Variants in ZZEF1 observed in about 807,000 individuals in gnomAD.
ZZEF1 encodes zinc finger ZZ-type and EF-hand domain containing 1.
ZZEF1 carries 157 observed loss-of-function variants against 342.8 expected under a neutral mutation model. That is an observed-to-expected ratio of 0.46 (90% CI 0.40 to 0.52). The LOEUF is 0.52. Ranked by LOEUF, ZZEF1 falls within the 20% of genes least tolerant of loss-of-function variation. The probability of loss-of-function intolerance (pLI) is 0.00; values close to 1 mark genes in which losing one functional copy is unlikely to be tolerated. For missense variants in ZZEF1, 3,480 were observed against 3,725.6 expected, an observed-to-expected ratio of 0.93 and a Z score of 1.72; for synonymous variants, 1,505 against 1,429.1, an observed-to-expected ratio of 1.05 and a Z score of -1.20.
intron 36 of ZZEF1, among the ~76,000 whole-genome samples, chr17:4,050,469 T>A (rs1490587078): frequency 6.6e-6 from 1 of 152,232 alleles, no homozygotes; most frequent in African/African-American, 2.4e-5. Context: ...GAAGTCTGGA[T>A]TCTTTCAGCA....
chr17:4,048,617 C>CA (rs1440219412), intron 37 of ZZEF1, among the ~76,000 whole-genome samples: 1 of 152,228 alleles, frequency 6.6e-6, no homozygotes, highest in Non-Finnish European at 1.5e-5. Context: ...ATTACTGCGT[C>CA]TACCCGGTAA....
At chr17:4,033,240 C>G (rs2056588653) in intron 40 of ZZEF1, 6 of 442,704 alleles carry the variant, frequency 1.4e-5, no homozygotes, top group Non-Finnish European at 2.4e-5. Flanking sequence ...TAAAAATCAC[C>G]TGTGTGTGTG....
At chr17:4,030,629 G>C (rs993701527) in intron 42 of ZZEF1, among the ~76,000 whole-genome samples, 2 of 152,138 alleles carry the variant, frequency 1.3e-5, no homozygotes, top group Non-Finnish European at 2.9e-5. Flanking sequence ...CAGCCTCCCA[G>C]GTAGCTGGGA....
chr17:4,117,472 C>G (rs2058414398), intron 2 of ZZEF1, among the ~76,000 whole-genome samples: 1 of 151,672 alleles, frequency 6.6e-6, no homozygotes, highest in Non-Finnish European at 1.5e-5. Context: ...ATGGTGAAAC[C>G]CCATCTCTAC....
Position 4,081,467 on chromosome 17 carries a change from A to G in ZZEF1, c.2738T>C (p.Leu913Pro). 1 of 1,614,138 alleles carries G rather than the reference A, an allele frequency of 6.2e-7. No individual in the cohort carries two copies. ...YFSDKDPGGL[L>P]LLPEKNDLAK... is the part of the protein sequence containing the mutation. ...CAGGTCGTTCTTCTCAGGTAAAAGA[A>G]GAAGGCCGCCTGGATCCTTGTCACT... is the stretch of plus-strand genomic sequence containing the variant. The change falls in exon 18 of 55, where the codon CTT becomes CCT. Residue 913 changes from leucine to proline, a missense_variant. Leu to Pro is a moderately conservative substitution (Grantham distance 98). Transcript: ENST00000381638.
Position 4,096,828 on chromosome 17 carries a change from T to C in ZZEF1, c.1673-128A>G. Reference sequence around the variant, plus strand: ...ACTGGTCTGATATCTTCACGAAAATTAGAGAAAAATGTCCTCTTTGGACAG... The same window carrying C: ...ACTGGTCTGATATCTTCACGAAAATCAGAGAAAAATGTCCTCTTTGGACAG... On this transcript the variant is annotated intron_variant, in intron 9 of 54. Coordinates refer to ENST00000381638, the MANE Select transcript of ZZEF1 (RefSeq NM_015113.4). 4.2e-6 allele frequency: 3 copies of C among 722,720 alleles called. No individual in the cohort carries two copies. In the South Asian group the frequency reaches 5.0e-5, roughly 12 times the overall value. 44.8% of individuals were successfully genotyped at this position (722,720 alleles called of 1,614,324 possible).
intron 31 of ZZEF1, 96 bp downstream of exon 31, chr17:4,059,075 G>T: frequency 9.5e-7 from 1 of 1,056,226 alleles, no homozygotes; most frequent in Non-Finnish European, 1.3e-6. Flanking sequence ...TTTATTCTTT[G>T]TGCTTTTTGG....
rs1206446991 is a variant in ZZEF1, at chr17:4,070,939, T to A, written c.3835-15A>T. ...ATGTTCTTAACCTGGAAACAAAAAA[T>A]AAACCCATCACATTTAACACATTCA... On this transcript the variant is annotated splice_polypyrimidine_tract_variant and intron_variant, in intron 25 of 54. Coordinates refer to ENST00000381638, the MANE Select transcript of ZZEF1 (RefSeq NM_015113.4). The A allele has an allele frequency of 6.2e-7, 1 of 1,606,706 alleles. No individual in the cohort carries two copies. The highest frequency in any genetic ancestry group is 8.5e-7 in the Non-Finnish European group (1 of 1,177,150).
intron 44 of ZZEF1, 92 bp downstream of exon 44, chr17:4,022,617 G>A (rs1453097310): frequency 1.3e-6 from 2 of 1,577,266 alleles, no homozygotes; most frequent in Admixed American, 1.7e-5. Context: ...TGTGCACAGG[G>A]CAGAAGCAGC....
At position 4,064,755 on chromosome 17, in the gene ZZEF1, C is replaced by T. The variant is rs768314692; in HGVS notation, c.4324G>A (p.Glu1442Lys). ...PTGISSKESC[E>K]KLETADETSH... ...GTTTCATCAGCAGTCTCCAACTTTT[C>T]GCAGCTTTCTTTTGAACTTATGCCC... Residue 1442 changes from glutamate (E) to lysine (K), a missense_variant, in exon 29 of 55, where the codon GAA (glutamate) becomes AAA (lysine). Physicochemically the swap from Glu to Lys is moderately conservative, Grantham distance 56. Coordinates refer to ENST00000381638, the MANE Select transcript of ZZEF1 (RefSeq NM_015113.4). 3.7e-6 allele frequency: 6 copies of T among 1,613,536 alleles called. No homozygotes were observed. Among genetic ancestry groups the T allele is most frequent in the Middle Eastern group, 1.7e-4 (1 of 6,058 alleles).
rs1461489765 is a variant in ZZEF1, at chr17:4,070,903, G to C, written c.3856C>G (p.Pro1286Ala). Residue 1286 changes from proline (P) to alanine (A), a missense_variant, in exon 26 of 55, where the codon CCC becomes GCC. By Grantham distance (27) the Pro-to-Ala change is conservative (BLOSUM62 -1). Coordinates refer to ENST00000381638, the MANE Select transcript of ZZEF1 (RefSeq NM_015113.4). ...SKEVKNIPDD[P>A]CRHFLLDFAQ... ...AAATCAAGAAGAAAATGGCGGCAGGGGTCGTCAGGAATGTTCTTAACCTGG... is the reference window on the plus strand; with the variant it reads ...AAATCAAGAAGAAAATGGCGGCAGGCGTCGTCAGGAATGTTCTTAACCTGG... 6 of 1,613,868 alleles carry C rather than the reference G, an allele frequency of 3.7e-6. No individual in the cohort carries two copies. Among genetic ancestry groups the C allele is most frequent in the Middle Eastern group, 3.3e-4 (2 of 6,060 alleles).
Position 4,057,984 on chromosome 17 carries a change from G to C in ZZEF1, c.5165+10C>G. On this transcript the variant is annotated intron_variant, in intron 32 of 54. Transcript: ENST00000381638. ...ATTAGGAACTGCAGAGCGCAGGACC[G>C]TGCTCTTACCTGATCACACTGTCAT... 1 of 1,613,320 alleles carries C rather than the reference G, an allele frequency of 6.2e-7. No homozygotes were observed. Among genetic ancestry groups the C allele is most frequent in the Non-Finnish European group, 8.5e-7 (1 of 1,179,496 alleles).
chr17:4,112,345 C>T (rs2058326859), intron 5 of ZZEF1, among the ~76,000 whole-genome samples: 2 of 151,800 alleles, frequency 1.3e-5, no homozygotes, highest in South Asian at 4.2e-4. Flanking sequence ...AGGGTTTCAC[C>T]ATGTTGGCCA....
chr17:4,097,853 T>G (rs2058062917), intron 9 of ZZEF1, among the ~76,000 whole-genome samples: 1 of 143,266 alleles, frequency 7.0e-6, no homozygotes, highest in African/African-American at 2.6e-5. Flanking sequence ...CCCAGCACTT[T>G]GGGAGGCTGA....
chr17:4,109,944 T>G, intron 5 of ZZEF1, 81 bp from the exon 6 acceptor site: 1 of 1,345,846 alleles, frequency 7.4e-7, no homozygotes, highest in African/African-American at 1.5e-5. Context: ...AGCAAAATAG[T>G]AATAGACATT....
chr17:4,045,504 T>A (rs752198991), intron 37 of ZZEF1, among the ~76,000 whole-genome samples: 2 of 152,226 alleles, frequency 1.3e-5, no homozygotes, highest in Non-Finnish European at 2.9e-5. Flanking sequence ...ATCTTTAATA[T>A]GATGAAGATA....
intron 52 of ZZEF1, among the ~76,000 whole-genome samples, chr17:4,012,456 A>G (rs986000780): frequency 6.6e-6 from 1 of 152,218 alleles, no homozygotes; most frequent in African/African-American, 2.4e-5. Flanking sequence ...TCTGGCTAGC[A>G]TTCTGTGTGT....
chr17:4,025,200 T>A (rs1412499343), intron 42 of ZZEF1, 82 bp from the exon 43 acceptor site: 6 of 1,322,952 alleles, frequency 4.5e-6, no homozygotes, highest in African/African-American at 2.9e-5. Flanking sequence ...TATAGTAACA[T>A]GCCTTACTAA....
At position 4,142,569 on chromosome 17, in the gene ZZEF1, G is replaced by A. The variant is rs539179364; in HGVS notation, c.327C>T (p.Ala109=). The change falls in exon 1 of 55, where the codon GCC becomes GCT. Residue 109 remains alanine (A), a synonymous_variant. Coordinates refer to ENST00000381638, the MANE Select transcript of ZZEF1 (RefSeq NM_015113.4). Reference sequence around the variant, plus strand: ...CCTCGAACTGCTCGCTAGAGCAGCCGGCGCCGCGAGCCTCCAGCAGCTCCC... The same window carrying A: ...CCTCGAACTGCTCGCTAGAGCAGCCAGCGCCGCGAGCCTCCAGCAGCTCCC... ...QFRELLEARG[A]GCSSEQFEEA... is the part of the protein sequence containing the mutation. 6.9e-6 allele frequency: 11 copies of A among 1,602,934 alleles called. No individual in the cohort carries two copies. The Admixed American group carries it at 1.3e-4, about 19-fold the overall frequency.
Sources: gnomAD v4.1 joint callset for allele counts (sites outside exome capture counted in the v4.1 genomes callset) on GRCh38, gnomAD v4.1.1 for gene constraint, MANE v1.5 for transcripts, NCBI Gene and HGNC (gene_info 2026-07-23, HGNC 2026-07-21) for gene names.